Variants in GATA4 observed in about 807,000 individuals in gnomAD.
GATA4 encodes GATA binding protein 4.
In GATA4, 7 loss-of-function variants were observed where a neutral mutation model predicts 37.9. That is an observed-to-expected ratio of 0.18 (90% CI 0.11 to 0.35). The LOEUF (loss-of-function observed/expected upper bound fraction) is 0.35, where lower values mean the gene tolerates loss of function less well. GATA4 is among the 10% of genes least tolerant of loss of function. The pLI, the probability that GATA4 is intolerant of heterozygous loss-of-function variation, is 1.00. For missense variants in GATA4, 647 were observed against 653.0 expected (o/e 0.99, Z 0.10); for synonymous variants, 372 against 292.6 (o/e 1.27, Z -2.77).
chr8:11,741,526 C>G (rs938846763), intron 2 of GATA4, among the ~76,000 whole-genome samples: 2 of 152,098 alleles, frequency 1.3e-5, no homozygotes, highest in African/African-American at 2.4e-5. Flanking sequence ...ATGCAACAGT[C>G]CACAAGTTCG....
At chr8:11,751,480 G>A (rs1019564487) in intron 4 of GATA4, among the ~76,000 whole-genome samples, 1 of 152,112 alleles carries the variant, frequency 6.6e-6, no homozygotes, top group Non-Finnish European at 1.5e-5. Flanking sequence ...AGAAGGGATT[G>A]GAAGGACACT....
intron 1 of GATA4, chr8:11,680,806 C>T: frequency 1.0e-6 from 1 of 985,400 alleles, no homozygotes; most frequent in Non-Finnish European, 1.2e-6. Flanking sequence ...CCCTGCTCAC[C>T]CCGACGCCTC....
chr8:11,713,195 G>A (rs1800277379), intron 2 of GATA4, among the ~76,000 whole-genome samples: 2 of 152,114 alleles, frequency 1.3e-5, no homozygotes, highest in South Asian at 2.1e-4. Context: ...AACTTAGGTT[G>A]GAAGAAATAA....
At chr8:11,677,587 C>T (rs1798824124) in intron 1 of GATA4, among the ~76,000 whole-genome samples, 1 of 152,334 alleles carries the variant, frequency 6.6e-6, no homozygotes, top group East Asian at 1.9e-4. Flanking sequence ...TTGGAAACTT[C>T]AGGCAAACCT....
upstream of GATA4, among the ~76,000 whole-genome samples, chr8:11,701,928 T>C (rs564195552): frequency 5.9e-5 from 9 of 152,146 alleles, no homozygotes; most frequent in East Asian, 1.7e-3. Flanking sequence ...TGGGGTTCCT[T>C]GCAAGCAAGC....
chr8:11,687,838 G>C (rs187754185), upstream of GATA4, among the ~76,000 whole-genome samples: 179 of 152,214 alleles, frequency 1.2e-3, 1 homozygote, highest in African/African-American at 4.1e-3. Context: ...CAGCTACAAG[G>C]CTCCTAGAAC....
chr8:11,677,441 C>T (rs1420260329), intron 1 of GATA4, among the ~76,000 whole-genome samples: 2 of 152,186 alleles, frequency 1.3e-5, no homozygotes, highest in African/African-American at 4.8e-5. Flanking sequence ...TCAGGAAAAA[C>T]CTAAATAAAT....
intron 2 of GATA4, among the ~76,000 whole-genome samples, chr8:11,742,382 TTG>T (rs1191804301): frequency 0.024 from 2,764 of 115,282 alleles, 87 homozygotes; most frequent in African/African-American, 0.089. Flanking sequence ...TTTTGGTGTT[TTG>T]TTTTTTTTTT....
At chr8:11,731,136 G>A (rs1274397693) in intron 2 of GATA4, among the ~76,000 whole-genome samples, 1 of 152,234 alleles carries the variant, frequency 6.6e-6, no homozygotes, top group East Asian at 1.9e-4. Flanking sequence ...CTGCCTCTGA[G>A]TTTCCTCCTG....
At chr8:11,740,721 T>A (rs952381226) in intron 2 of GATA4, among the ~76,000 whole-genome samples, 4 of 150,722 alleles carry the variant, frequency 2.7e-5, no homozygotes, top group African/African-American at 9.7e-5. Flanking sequence ...ATTGCCTTCT[T>A]TTCTTTGTTC....
At chr8:11,754,943 G>T (rs1802478812) in intron 4 of GATA4, 103 bp from the exon 5 acceptor site, 6 of 857,800 alleles carry the variant, frequency 7.0e-6, no homozygotes, top group Non-Finnish European at 1.2e-5. Context: ...TTTGTGGAGA[G>T]ATTGCTTAGG....
intron 4 of GATA4, among the ~76,000 whole-genome samples, chr8:11,750,492 G>T (rs145370434): frequency 2.3e-3 from 355 of 152,324 alleles, no homozygotes; most frequent in Non-Finnish European, 3.6e-3. Context: ...TTTCGATTCA[G>T]TGGATAAGAA....
intron 4 of GATA4, among the ~76,000 whole-genome samples, chr8:11,754,443 C>G (rs987225664): frequency 3.3e-5 from 5 of 152,176 alleles, no homozygotes; most frequent in African/African-American, 1.2e-4. Flanking sequence ...GTCTCGAACT[C>G]CTGGGCTCAA....
At chr8:11,700,407 G>T (rs542252030), upstream of GATA4, 3 of 152,254 alleles carry the variant, frequency 2.0e-5, no homozygotes, top group African/African-American at 7.2e-5. Context: ...CGTCCACTCC[G>T]TATCCCCAAG....
At chr8:11,711,557 C>G (rs1054057667) in intron 2 of GATA4, among the ~76,000 whole-genome samples, 8 of 152,056 alleles carry the variant, frequency 5.3e-5, no homozygotes, top group African/African-American at 1.9e-4. Flanking sequence ...GCAGGAGGAT[C>G]ATTTGAGGCC....
At chr8:11,690,670 G>A (rs570148714), upstream of GATA4, among the ~76,000 whole-genome samples, 1 of 152,288 alleles carries the variant, frequency 6.6e-6, no homozygotes, top group African/African-American at 2.4e-5. Context: ...AGGAATTCCA[G>A]AACAGCCTGG....
chr8:11,679,936 A>G (rs1169835641), intron 1 of GATA4, among the ~76,000 whole-genome samples: 2 of 152,204 alleles, frequency 1.3e-5, no homozygotes, highest in East Asian at 3.8e-4. Context: ...AATAGTTTAC[A>G]AACTCTTTTT....
At chr8:11,756,805 CCT>C in intron 5 of GATA4, 128 bp from the exon 6 acceptor site, 1 of 1,222,080 alleles carries the variant, frequency 8.2e-7, no homozygotes, top group Non-Finnish European at 1.2e-6. Context: ...CAGATAAGGA[CCT>C]CTGCTGCTGT....
At chr8:11,756,205 G>A (rs1802560456) in intron 5 of GATA4, among the ~76,000 whole-genome samples, 1 of 152,166 alleles carries the variant, frequency 6.6e-6, no homozygotes, top group Non-Finnish European at 1.5e-5. Flanking sequence ...GCATGACAGA[G>A]TCAGATAAAT....
Sources: allele counts gnomAD v4.1 joint callset (sites outside exome capture counted in the v4.1 genomes callset), GRCh38; gene constraint gnomAD v4.1.1; transcripts MANE v1.5; gene names NCBI Gene and HGNC (gene_info 2026-07-23, HGNC 2026-07-21).